Variants in LHFPL3 observed in about 807,000 individuals in gnomAD.
The protein encoded by LHFPL3 is LHFPL tetraspan subfamily member 3 protein.
LHFPL3 carries 5 observed loss-of-function variants against 19.3 expected under a neutral mutation model. The observed-to-expected ratio is 0.26, with a 90% CI of 0.14 to 0.54. The LOEUF (loss-of-function observed/expected upper bound fraction) is 0.54, where lower values mean the gene tolerates loss of function less well. Among genes scored for constraint, LHFPL3 ranks in the 20% least tolerant of loss-of-function variants. The probability of loss-of-function intolerance (pLI) is 0.94; values close to 1 mark genes in which losing one functional copy is unlikely to be tolerated. For missense variants in LHFPL3, 249 were observed against 307.4 expected (o/e 0.81, Z 1.42); for synonymous variants, 133 against 126.2 (o/e 1.05, Z -0.36).
Position 104,456,677 on chromosome 7 carries a change from A to G in LHFPL3, c.445+127453A>G, listed in dbSNP as rs187053282. 4.2e-4 allele frequency among the ~76,000 whole-genome samples: 64 copies of G among 152,322 alleles called. No individual in the cohort carries two copies. In the East Asian group the frequency reaches 4.8e-3, roughly 11 times the overall value. On this transcript the variant is annotated intron_variant, in intron 1 of 2. Transcript: ENST00000424859. ...TCTTTGGCGTATTTGAATTGCAAGC[A>G]TCACTACACTTGTACTTTGGTGCCC...
intron 2 of LHFPL3, among the ~76,000 whole-genome samples, chr7:104,769,588 G>C (rs569050405): frequency 1.8e-3 from 265 of 149,858 alleles, no homozygotes; most frequent in South Asian, 7.3e-3. Context: ...AGGTATTTCT[G>C]CTAATGCTGT....
intron 1 of LHFPL3, among the ~76,000 whole-genome samples, chr7:104,504,459 T>C (rs866425499): frequency 1.1e-4 from 17 of 152,350 alleles, no homozygotes; most frequent in African/African-American, 3.8e-4. Context: ...CTTATGACAT[T>C]AAATTACATC....
At chr7:104,818,190 G>T (rs184963526) in intron 2 of LHFPL3, among the ~76,000 whole-genome samples, 160 of 152,264 alleles carry the variant, frequency 1.1e-3, no homozygotes, top group Non-Finnish European at 1.9e-3. Flanking sequence ...GAGAAATATG[G>T]TGGTTCATTT....
intron 2 of LHFPL3, among the ~76,000 whole-genome samples, chr7:104,875,872 C>A (rs952908097): frequency 6.6e-6 from 1 of 152,192 alleles, no homozygotes; most frequent in African/African-American, 2.4e-5. Context: ...TCCCTCCTCA[C>A]TCTCATTAAA....
At chr7:104,430,394 A>ATATATATATG (rs1791949175) in intron 1 of LHFPL3, among the ~76,000 whole-genome samples, 6 of 46,018 alleles carry the variant, frequency 1.3e-4, no homozygotes, top group African/African-American at 1.1e-3. Context: ...ATATATATAT[A>ATATATATATG]TATATATATA....
At chr7:104,672,296 A>G (rs1230364739) in intron 1 of LHFPL3, among the ~76,000 whole-genome samples, 1 of 152,102 alleles carries the variant, frequency 6.6e-6, no homozygotes, top group Non-Finnish European at 1.5e-5. Flanking sequence ...AGGGGTTCAC[A>G]CACCCCCTTT....
intron 1 of LHFPL3, among the ~76,000 whole-genome samples, chr7:104,570,329 T>C (rs938523599): frequency 2.6e-5 from 4 of 152,218 alleles, no homozygotes; most frequent in African/African-American, 9.7e-5. Flanking sequence ...GTGTCAGCTT[T>C]TCCTTGGGTG....
intron 1 of LHFPL3, among the ~76,000 whole-genome samples, chr7:104,701,315 C>T (rs181602946): frequency 2.2e-4 from 34 of 152,142 alleles, no homozygotes; most frequent in East Asian, 9.7e-4. Flanking sequence ...GGGCACCAAC[C>T]GCTCTCCCCA....
At chr7:104,798,150 C>T (rs895655002) in intron 2 of LHFPL3, among the ~76,000 whole-genome samples, 1 of 152,100 alleles carries the variant, frequency 6.6e-6, no homozygotes, top group Non-Finnish European at 1.5e-5. Flanking sequence ...CCTAAGAGTT[C>T]CCACCAAACA....
intron 2 of LHFPL3, among the ~76,000 whole-genome samples, chr7:104,869,503 C>G (rs1385430493): frequency 6.6e-6 from 1 of 152,092 alleles, no homozygotes; most frequent in Non-Finnish European, 1.5e-5. Context: ...CTCATCATCA[C>G]TGGCCATCAG....
At chr7:104,402,326 T>A (rs181190252) in intron 1 of LHFPL3, among the ~76,000 whole-genome samples, 1 of 152,222 alleles carries the variant, frequency 6.6e-6, no homozygotes, top group Non-Finnish European at 1.5e-5. Context: ...CTACTTAAAG[T>A]AAATTTATAA....
intron 2 of LHFPL3, among the ~76,000 whole-genome samples, chr7:104,820,261 G>T (rs1312799430): frequency 6.6e-6 from 1 of 152,158 alleles, no homozygotes; most frequent in Non-Finnish European, 1.5e-5. Context: ...GCAAATGAAT[G>T]AAAGGGTGAG....
At chr7:104,889,795 A>G (rs1471144037) in intron 2 of LHFPL3, among the ~76,000 whole-genome samples, 1 of 152,262 alleles carries the variant, frequency 6.6e-6, no homozygotes, top group Non-Finnish European at 1.5e-5. Context: ...GAAGAATTTC[A>G]GTGGATAAAT....
intron 1 of LHFPL3, among the ~76,000 whole-genome samples, chr7:104,540,751 G>GA (rs2115873751): frequency 6.6e-6 from 1 of 152,236 alleles, no homozygotes; most frequent in Admixed American, 6.5e-5. Flanking sequence ...GGAAACTGAG[G>GA]AAGTTTGTGA....
intron 1 of LHFPL3, among the ~76,000 whole-genome samples, chr7:104,502,522 A>C (rs1315796977): frequency 6.6e-6 from 1 of 152,222 alleles, no homozygotes; most frequent in Non-Finnish European, 1.5e-5. Flanking sequence ...GACTGTGACT[A>C]CATGAATTCT....
chr7:104,781,930 T>C (rs991551441), intron 2 of LHFPL3, among the ~76,000 whole-genome samples: 1 of 152,216 alleles, frequency 6.6e-6, no homozygotes. Context: ...ATGTTCTTTG[T>C]GACTTTATTA....
intron 2 of LHFPL3, among the ~76,000 whole-genome samples, chr7:104,742,373 GA>G (rs1793951385): frequency 1.3e-5 from 2 of 152,194 alleles, no homozygotes; most frequent in African/African-American, 4.8e-5. Flanking sequence ...TAACCATCAA[GA>G]GGTGACTCCA....
Position 104,429,251 on chromosome 7 carries a change from T to G in LHFPL3, c.445+100027T>G, listed in dbSNP as rs563266247. 4.1e-5 allele frequency among the ~76,000 whole-genome samples: 6 copies of G among 147,822 alleles called. No individual in the cohort carries two copies. The South Asian group carries it at 1.3e-3, about 32-fold the overall frequency. On this transcript the variant is annotated intron_variant, in intron 1 of 2. Transcript: ENST00000424859. ...ACCAGAGCGTAGCAATAATTTAACC[T>G]CCTGGGAAAGATCCAAGGATGCATA...
intron 2 of LHFPL3, among the ~76,000 whole-genome samples, chr7:104,850,598 A>G (rs1290146091): frequency 3.9e-5 from 6 of 152,244 alleles, no homozygotes; most frequent in Non-Finnish European, 7.3e-5. Flanking sequence ...CCTGACTGAC[A>G]TGAAACTAAA....
Sources: gnomAD v4.1 joint callset for allele counts (sites outside exome capture counted in the v4.1 genomes callset) on GRCh38, gnomAD v4.1.1 for gene constraint, MANE v1.5 for transcripts, NCBI Gene and HGNC (gene_info 2026-07-23, HGNC 2026-07-21) for gene names.